Variants in SYTL4 observed in about 807,000 individuals in gnomAD.
SYTL4 encodes synaptotagmin-like protein 4.
SYTL4 carries 16 observed loss-of-function variants against 52.7 expected under a neutral mutation model. That is an observed-to-expected ratio of 0.30 (90% CI 0.21 to 0.46). The LOEUF (loss-of-function observed/expected upper bound fraction) is 0.46. Ranked by LOEUF, SYTL4 falls within the 20% of genes least tolerant of loss-of-function variation. The pLI, the probability that SYTL4 is intolerant of heterozygous loss-of-function variation, is 1.00. For synonymous variants in SYTL4, 160 were observed against 186.6 expected, an observed-to-expected ratio of 0.86 and a Z score of 1.16; for missense variants, 423 against 519.9, an observed-to-expected ratio of 0.81 and a Z score of 1.81.
intron 2 of SYTL4, among the ~76,000 whole-genome samples, chrX:100,713,906 A>G (rs2084131989): frequency 9.0e-6 from 1 of 111,138 alleles, no homozygotes; most frequent in Admixed American, 9.6e-5. Flanking sequence ...TAGAAAATAC[A>G]TAGTGTCAGA....
chrX:100,714,104 T>C (rs760190331), intron 2 of SYTL4, among the ~76,000 whole-genome samples: 1 of 111,710 alleles, frequency 9.0e-6, no homozygotes, highest in East Asian at 2.8e-4. Context: ...ATACTTTATA[T>C]ATAATTTGTC....
At chrX:100,700,321 G>A (rs1484309746) in intron 8 of SYTL4, among the ~76,000 whole-genome samples, 2 of 111,602 alleles carry the variant, frequency 1.8e-5, no homozygotes, top group African/African-American at 3.3e-5. Context: ...CTTAAGCTTA[G>A]AGGAATGTTA....
intron 17 of SYTL4, 76 bp from the exon 18 acceptor site, chrX:100,679,488 T>C: frequency 2.4e-6 from 2 of 832,633 alleles, no homozygotes; most frequent in Non-Finnish European, 3.6e-6. Context: ...TATGCAGCAC[T>C]TTCTTTGCTT....
chrX:100,694,852 G>A (rs960779781), intron 8 of SYTL4, among the ~76,000 whole-genome samples: 2 of 112,104 alleles, frequency 1.8e-5, no homozygotes, highest in African/African-American at 6.5e-5. Context: ...GTCACATGAT[G>A]TTTGACAGTT....
In SYTL4 at chrX:100,675,917, C is replaced by CACACACAT; in HGVS notation, c.*110_*111insATGTGTGT. The CACACACAT allele has an allele frequency of 2.9e-6, 2 of 679,439 alleles. No individual in the cohort carries two copies. Among genetic ancestry groups the CACACACAT allele is most frequent in the East Asian group, 3.6e-5 (1 of 27,922 alleles). The allele number at this position is 679,439 out of a possible 1,213,427, so 56.0% of individuals were successfully genotyped here. On this transcript the variant is annotated 3_prime_UTR_variant, in exon 20 of 20. Transcript: ENST00000372989. ...ACATACACACACACACACACACACA[C>CACACACAT]ACATACACACATACACACATACACA...
intron 2 of SYTL4, among the ~76,000 whole-genome samples, chrX:100,729,053 A>T (rs1451887863): frequency 1.8e-5 from 2 of 110,134 alleles, no homozygotes; most frequent in African/African-American, 6.6e-5. Context: ...AAAAAAAAGT[A>T]AGAGAGAGGA....
At chrX:100,719,837 T>C (rs2084304508) in intron 2 of SYTL4, among the ~76,000 whole-genome samples, 1 of 112,056 alleles carries the variant, frequency 8.9e-6, no homozygotes, top group Non-Finnish European at 1.9e-5. Flanking sequence ...AAATGGTTTG[T>C]AGAAATTCCC....
At chrX:100,677,309 A>T (rs1009635729) in intron 19 of SYTL4, among the ~76,000 whole-genome samples, 2 of 111,874 alleles carry the variant, frequency 1.8e-5, no homozygotes, top group Non-Finnish European at 3.8e-5. Context: ...GGGAAGAGTG[A>T]TACAAGACGG....
chrX:100,715,686 C>T lies in SYTL4; in HGVS notation c.-239-10800G>A, dbSNP rs1414043708. Among the ~76,000 whole-genome samples, 5 of 109,970 alleles carry T rather than the reference C, an allele frequency of 4.5e-5. No homozygotes were observed. In the East Asian group the frequency reaches 1.4e-3, roughly 32 times the overall value. On this transcript the variant is annotated intron_variant, in intron 2 of 19. Transcript: ENST00000372989. ...GGCTCATCCTAGCAATTTGTGAAGC[C>T]GAGGTGGGAGGATCTCTTGAGCCCA... is the stretch of plus-strand genomic sequence containing the variant.
intron 12 of SYTL4, among the ~76,000 whole-genome samples, chrX:100,688,713 C>T (rs772972863): frequency 9.2e-5 from 10 of 109,197 alleles, no homozygotes; most frequent in Admixed American, 7.8e-4. Context: ...TACAGGCACC[C>T]GCCACCACAC....
At chrX:100,678,706 T>A in intron 18 of SYTL4, 107 bp from the exon 19 acceptor site, 1 of 647,801 alleles carries the variant, frequency 1.5e-6, no homozygotes, top group Admixed American at 2.5e-5. Context: ...TGAACCCACA[T>A]CCAGATCCTA....
rs1455678580 is a variant in SYTL4, at chrX:100,674,686, T to G, written c.*1342A>C. 9.0e-6 allele frequency: 1 copy of G among 111,630 alleles called. No individual in the cohort carries two copies. The highest frequency in any genetic ancestry group is 2.8e-4 in the East Asian group (1 of 3,574). 9.2% of individuals were successfully genotyped at this position (111,630 alleles called of 1,213,427 possible). On this transcript the variant is annotated 3_prime_UTR_variant, in exon 20 of 20. Transcript: ENST00000372989. ...ACCACTGTGGCTGCCCTTAATCCAG[T>G]GTGCTTATAGGAAATCAGTTAGCAG...
chrX:100,731,825 G>T (rs896870253), intron 1 of SYTL4, among the ~76,000 whole-genome samples, 179 bp downstream of exon 1: 1 of 111,707 alleles, frequency 9.0e-6, no homozygotes, highest in Non-Finnish European at 1.9e-5. Flanking sequence ...AGAGGCGGAC[G>T]GGGAGAGGGG....
chrX:100,720,817 C>T (rs2084325807), intron 2 of SYTL4, among the ~76,000 whole-genome samples: 1 of 111,487 alleles, frequency 9.0e-6, no homozygotes, highest in Admixed American at 9.5e-5. Flanking sequence ...TTACTTGAGG[C>T]CTATAAGATG....
At chrX:100,680,114 G>A (rs1056158223) in intron 17 of SYTL4, among the ~76,000 whole-genome samples, 4 of 111,558 alleles carry the variant, frequency 3.6e-5, no homozygotes, top group Admixed American at 9.5e-5. Flanking sequence ...TGCTTTCACT[G>A]ATCCACTGAA....
At chrX:100,704,175 C>T (rs893947381) in intron 3 of SYTL4, among the ~76,000 whole-genome samples, 5 of 111,148 alleles carry the variant, frequency 4.5e-5, no homozygotes, top group African/African-American at 1.3e-4. Context: ...CTATGTTGCC[C>T]AGCCTGGACT....
intron 12 of SYTL4, 96 bp from the exon 13 acceptor site, chrX:100,688,539 G>T: frequency 6.2e-6 from 4 of 643,521 alleles, no homozygotes; most frequent in Non-Finnish European, 4.6e-6. Context: ...AAGTTGCCAT[G>T]TGTATGTGTA....
intron 2 of SYTL4, among the ~76,000 whole-genome samples, chrX:100,716,546 TAAAAAAAA>T (rs751442914): frequency 2.3e-5 from 1 of 43,321 alleles, no homozygotes; most frequent in Non-Finnish European, 4.8e-5. Context: ...CTGCAAAACT[TAAAAAAAA>T]AAAAAAAAAA....
intron 13 of SYTL4, 68 bp from the exon 14 acceptor site, chrX:100,687,313 C>T (rs1331665040): frequency 1.0e-6 from 1 of 1,003,105 alleles, no homozygotes. Context: ...TCACATCTTC[C>T]CTCATGATAA....
Sources: gnomAD v4.1 joint callset for allele counts (sites outside exome capture counted in the v4.1 genomes callset) on GRCh38, gnomAD v4.1.1 for gene constraint, MANE v1.5 for transcripts, NCBI Gene and HGNC (gene_info 2026-07-23, HGNC 2026-07-21) for gene names.